Variants in MBD5 observed in about 807,000 individuals in gnomAD.
MBD5 encodes the protein methyl-CpG binding domain protein 5, also known as methyl-CpG-binding domain protein 5.
MBD5 carries 13 observed loss-of-function variants against 117.3 expected under a neutral mutation model. The observed-to-expected ratio is 0.11, with a 90% confidence interval of 0.07 to 0.18. The LOEUF (loss-of-function observed/expected upper bound fraction) is 0.18, where lower values mean the gene tolerates loss of function less well. Ranked by LOEUF, MBD5 falls within the 10% of genes least tolerant of loss-of-function variation. The probability of loss-of-function intolerance (pLI) is 1.00; values close to 1 mark genes in which losing one functional copy is unlikely to be tolerated. For missense variants in MBD5, 1,879 were observed against 2,093.8 expected (o/e 0.90, Z 2.00); for synonymous variants, 727 against 766.4 (o/e 0.95, Z 0.85).
chr2:148,274,889 AT>A (rs1233780896), intron 3 of MBD5, among the ~76,000 whole-genome samples: 2 of 151,882 alleles, frequency 1.3e-5, no homozygotes, highest in Non-Finnish European at 2.9e-5. Context: ...CACCTGACTA[AT>A]TTTTGTATTT....
At chr2:148,450,539 G>A (rs538771287) in intron 4 of MBD5, among the ~76,000 whole-genome samples, 1 of 152,272 alleles carries the variant, frequency 6.6e-6, no homozygotes, top group African/African-American at 2.4e-5. Flanking sequence ...AGCTGGACTG[G>A]CTGGACAGCG....
At chr2:148,374,821 A>G (rs1703950507) in intron 4 of MBD5, among the ~76,000 whole-genome samples, 1 of 152,178 alleles carries the variant, frequency 6.6e-6, no homozygotes, top group Admixed American at 6.5e-5. Context: ...TCTCCCACAC[A>G]TGCGTATGAC....
chr2:148,186,553 G>A (rs557393301), intron 2 of MBD5, among the ~76,000 whole-genome samples: 4 of 152,272 alleles, frequency 2.6e-5, no homozygotes, highest in African/African-American at 9.6e-5. Context: ...AAAAAGTAAA[G>A]AGAAATTAAA....
chr2:148,024,572 T>C (rs1284856669), intron 1 of MBD5, among the ~76,000 whole-genome samples: 1 of 152,252 alleles, frequency 6.6e-6, no homozygotes, highest in Non-Finnish European at 1.5e-5. Flanking sequence ...TTTACTTCCA[T>C]ATGTGGAATT....
chr2:148,052,531 A>C (rs1325561591), intron 1 of MBD5, among the ~76,000 whole-genome samples: 1 of 152,088 alleles, frequency 6.6e-6, no homozygotes, highest in Non-Finnish European at 1.5e-5. Flanking sequence ...TATTGTGGGC[A>C]TTTACAGCTA....
chr2:148,339,596 A>G (rs1702885901), intron 3 of MBD5, among the ~76,000 whole-genome samples: 1 of 152,074 alleles, frequency 6.6e-6, no homozygotes, highest in Non-Finnish European at 1.5e-5. Flanking sequence ...CACAGTCAAC[A>G]CTGGCCCCTG....
chr2:148,315,075 T>G (rs1434146959), intron 3 of MBD5, among the ~76,000 whole-genome samples: 2 of 152,162 alleles, frequency 1.3e-5, no homozygotes, highest in South Asian at 2.1e-4. Flanking sequence ...TGGAGCCTAG[T>G]TAAAAAGAGG....
At chr2:148,444,483 A>T (rs1706429611) in intron 4 of MBD5, among the ~76,000 whole-genome samples, 1 of 151,362 alleles carries the variant, frequency 6.6e-6, no homozygotes, top group Non-Finnish European at 1.5e-5. Flanking sequence ...TCTCAAGGTT[A>T]AAAAGTCTGA....
intron 3 of MBD5, among the ~76,000 whole-genome samples, chr2:148,328,451 C>G (rs570376708): frequency 5.9e-5 from 9 of 152,358 alleles, no homozygotes; most frequent in African/African-American, 1.9e-4. Context: ...TCGCTGCTGC[C>G]TTGCAGTTTG....
In MBD5 at chr2:148,225,828, A is replaced by G. The variant is rs907259607; in HGVS notation, c.-830-7417A>G. On this transcript the variant is annotated intron_variant, in intron 2 of 13. Transcript: ENST00000642680. The stretch of plus-strand genomic sequence containing the variant: ...AAATGAAAATTCTGCTGTCAGATAT[A>G]TTGGAACTCCATTGTATGCTATTTC... Among the ~76,000 whole-genome samples the G allele has an allele frequency of 2.0e-5, 3 of 152,158 alleles. No individual in the cohort carries two copies. The East Asian group carries it at 5.8e-4, about 29-fold the overall frequency.
chr2:148,116,935 AGTGTATGAT>A (rs1431399245), intron 1 of MBD5, among the ~76,000 whole-genome samples: 2 of 152,206 alleles, frequency 1.3e-5, no homozygotes, highest in Admixed American at 1.3e-4. Context: ...CTACTGATTA[AGTGTATGAT>A]GAACTGGTAG....
intron 1 of MBD5, among the ~76,000 whole-genome samples, chr2:148,083,347 G>A (rs923054635): frequency 7.2e-5 from 11 of 152,088 alleles, no homozygotes; most frequent in East Asian, 1.9e-4. Flanking sequence ...ATATTTTTGC[G>A]AAAGGATTGA....
At chr2:148,301,932 T>G (rs1386843998) in intron 3 of MBD5, among the ~76,000 whole-genome samples, 2 of 152,048 alleles carry the variant, frequency 1.3e-5, no homozygotes, top group Non-Finnish European at 2.9e-5. Context: ...GAGACTGCCT[T>G]TCCCTGGCAC....
At chr2:148,110,399 G>C (rs924483824) in intron 1 of MBD5, among the ~76,000 whole-genome samples, 3 of 152,120 alleles carry the variant, frequency 2.0e-5, no homozygotes, top group Non-Finnish European at 4.4e-5. Context: ...TCTCTTTTCA[G>C]GTTCTTATCT....
intron 3 of MBD5, among the ~76,000 whole-genome samples, chr2:148,319,023 G>A (rs1702223501): frequency 6.6e-6 from 1 of 152,030 alleles, no homozygotes; most frequent in Non-Finnish European, 1.5e-5. Flanking sequence ...GCCTCTCAGT[G>A]TATATTTTTG....
At chr2:148,308,033 G>T (rs12992471) in intron 3 of MBD5, among the ~76,000 whole-genome samples, 1 of 152,038 alleles carries the variant, frequency 6.6e-6, no homozygotes, top group African/African-American at 2.4e-5. Context: ...TCTTTATCTA[G>T]TCTATCACTG....
At chr2:148,118,210 G>A (rs1305753553) in intron 1 of MBD5, among the ~76,000 whole-genome samples, 1 of 152,132 alleles carries the variant, frequency 6.6e-6, no homozygotes, top group African/African-American at 2.4e-5. Context: ...ATGGATGACA[G>A]AGTCTCATTC....
chr2:148,140,135 G>A (rs1574056082), intron 1 of MBD5, among the ~76,000 whole-genome samples: 1 of 152,086 alleles, frequency 6.6e-6, no homozygotes, highest in South Asian at 2.1e-4. Flanking sequence ...TAATGTCCTA[G>A]AACACAGATT....
At chr2:148,501,124 A>G (rs1338872280) in intron 11 of MBD5, among the ~76,000 whole-genome samples, 4 of 152,254 alleles carry the variant, frequency 2.6e-5, no homozygotes, top group Admixed American at 2.6e-4. Flanking sequence ...AAACATTTCC[A>G]TATTTGACTG....
Sources: allele counts gnomAD v4.1 joint callset (sites outside exome capture counted in the v4.1 genomes callset), GRCh38; gene constraint gnomAD v4.1.1; transcripts MANE v1.5; gene names NCBI Gene and HGNC (gene_info 2026-07-23, HGNC 2026-07-21).